Variants in MPP7 observed in about 807,000 individuals in gnomAD.
The protein encoded by MPP7 is MAGUK p55 subfamily member 7.
Under a neutral mutation model 76.5 loss-of-function variants are expected in MPP7, and 60 were observed. The ratio of observed to expected loss-of-function variants is 0.78; its 90% CI spans 0.64 to 0.97. The LOEUF is 0.97. Ranked by LOEUF, MPP7 falls within the 50% of genes least tolerant of loss-of-function variation. The pLI is 0.00. For synonymous variants in MPP7, 237 were observed against 244.5 expected, an observed-to-expected ratio of 0.97 and a Z score of 0.29; for missense variants, 641 against 694.0, an observed-to-expected ratio of 0.92 and a Z score of 0.86.
chr10:28,068,976 G>A (rs1852100792), intron 13 of MPP7, among the ~76,000 whole-genome samples: 1 of 152,088 alleles, frequency 6.6e-6, no homozygotes, highest in Admixed American at 6.5e-5. Flanking sequence ...TTTTGCCTTG[G>A]TTTCCTCCTC....
rs115638337 is a variant in MPP7 at position 28,065,615 on chromosome 10, G to T, written c.1204+4157C>A. On this transcript the variant is annotated intron_variant, in intron 13 of 16. Transcript: ENST00000683449. ...TATGTATACCAGTTAAGGCAAAATAGAAAACAAAATAGGAGCCCTCTTCCC... is the reference window on the plus strand; with the variant it reads ...TATGTATACCAGTTAAGGCAAAATATAAAACAAAATAGGAGCCCTCTTCCC... Among the ~76,000 whole-genome samples the T allele has an allele frequency of 4.3e-3, 652 of 152,222 alleles. 5 individuals carry two copies. Among genetic ancestry groups the T allele is most frequent in the African/African-American group, 0.015 (603 of 41,538 alleles).
At chr10:28,260,866 T>C (rs1258549480) in intron 1 of MPP7, among the ~76,000 whole-genome samples, 4 of 152,088 alleles carry the variant, frequency 2.6e-5, no homozygotes, top group Admixed American at 2.0e-4. Flanking sequence ...TTCTACATGA[T>C]GCATTTCAAC....
chr10:28,209,109 C>T (rs1223184083), intron 2 of MPP7, among the ~76,000 whole-genome samples: 1 of 152,138 alleles, frequency 6.6e-6, no homozygotes, highest in Non-Finnish European at 1.5e-5. Flanking sequence ...GAAGCAGATG[C>T]CAGCTCCATG....
chr10:28,275,222 GA>G (rs1450110279), intron 1 of MPP7, among the ~76,000 whole-genome samples: 1 of 152,026 alleles, frequency 6.6e-6, no homozygotes, highest in African/African-American at 2.4e-5. Context: ...CAACATGTTT[GA>G]AAATGAACAT....
rs1564648519 is a variant in MPP7, at chr10:28,131,680, A to G, written c.327T>C (p.Ser109=). 1.3e-6 allele frequency: 2 copies of G among 1,585,398 alleles called. No individual in the cohort carries two copies. The highest frequency in any genetic ancestry group is 1.8e-4 in the Middle Eastern group (1 of 5,472). ...LSKPNVKALL[S]VHDTVAQKNY... is the part of the protein sequence containing the mutation. ...TCTTCTGAGCCACAGTATCATGTAC[A>G]GAGAGCAAAGCCTGTAATATTCAAA... is the stretch of plus-strand genomic sequence containing the variant. Residue 109 remains serine, a synonymous_variant, in exon 6 of 17, where the codon TCT becomes TCC. Transcript: ENST00000683449.
intron 2 of MPP7, among the ~76,000 whole-genome samples, chr10:28,233,959 G>A (rs892458184): frequency 2.6e-5 from 4 of 151,568 alleles, no homozygotes; most frequent in Non-Finnish European, 1.5e-5. Flanking sequence ...AGAGAGAAGA[G>A]AGAGGAAGGA....
At chr10:28,318,707 G>A (rs1035517461) in intron 2 of MPP7, among the ~76,000 whole-genome samples, 3 of 151,954 alleles carry the variant, frequency 2.0e-5, no homozygotes, top group Non-Finnish European at 4.4e-5. Context: ...GAAAAGAAAA[G>A]CAATAGGATT....
chr10:28,169,578 T>C (rs999915998), intron 3 of MPP7, among the ~76,000 whole-genome samples: 1 of 152,204 alleles, frequency 6.6e-6, no homozygotes, highest in African/African-American at 2.4e-5. Flanking sequence ...AGTCTCCCTA[T>C]TTGTGAACAA....
intron 2 of MPP7, among the ~76,000 whole-genome samples, chr10:28,211,022 T>A (rs1034799314): frequency 3.9e-5 from 6 of 152,222 alleles, no homozygotes; most frequent in Non-Finnish European, 8.8e-5. Context: ...GTTATTTAAT[T>A]GGACTTAAAT....
chr10:28,304,079 A>G (rs1054742764), upstream of MPP7, among the ~76,000 whole-genome samples: 1 of 152,222 alleles, frequency 6.6e-6, no homozygotes, highest in African/African-American at 2.4e-5. Flanking sequence ...ATCAGAAAAA[A>G]AATAATGTGA....
chr10:28,151,507 C>G (rs185693671), intron 3 of MPP7, among the ~76,000 whole-genome samples: 2 of 152,330 alleles, frequency 1.3e-5, no homozygotes, highest in East Asian at 3.9e-4. Flanking sequence ...CAAAACTCAT[C>G]TAACCTGACT....
upstream of MPP7, chr10:28,307,479 T>G (rs1333055246): frequency 6.6e-6 from 1 of 152,266 alleles, no homozygotes; most frequent in African/African-American, 2.4e-5. Context: ...TGAGACCAGC[T>G]TGCAGAACAA....
intron 1 of MPP7, among the ~76,000 whole-genome samples, chr10:28,258,371 C>A: frequency 7.1e-6 from 1 of 141,230 alleles, no homozygotes; most frequent in Middle Eastern, 3.7e-3. Context: ...ATATAAATAA[C>A]ATATTAAATA....
At chr10:28,113,627 A>G (rs1291268323) in intron 11 of MPP7, among the ~76,000 whole-genome samples, 1 of 152,120 alleles carries the variant, frequency 6.6e-6, no homozygotes, top group African/African-American at 2.4e-5. Flanking sequence ...ATCCCAAGAA[A>G]GGCACACTGC....
chr10:28,238,472 T>G, intron 2 of MPP7, 96 bp downstream of exon 2: 1 of 1,313,630 alleles, frequency 7.6e-7, no homozygotes, highest in African/African-American at 1.5e-5. Context: ...AAAACAAGCA[T>G]GATCTGCCTG....
intron 1 of MPP7, among the ~76,000 whole-genome samples, chr10:28,284,599 G>A (rs777584822): frequency 3.3e-5 from 5 of 152,032 alleles, no homozygotes; most frequent in South Asian, 2.1e-4. Flanking sequence ...CATTTTTTCC[G>A]AAGAAAACTT....
intron 1 of MPP7, among the ~76,000 whole-genome samples, chr10:28,240,487 T>C (rs559559466): frequency 6.6e-5 from 10 of 152,300 alleles, no homozygotes; most frequent in African/African-American, 2.4e-4. Flanking sequence ...TTTTCCTTTA[T>C]GTTATTGCAA....
In MPP7 at chr10:28,057,602, C is replaced by CTT. The variant is rs1564608908; in HGVS notation, c.1407+892_1407+893insAA. The stretch of plus-strand genomic sequence containing the variant: ...TCTGCAGAGCAGTGAGCCAATTAAA[C>CTT]CTCTTTTTTTTTTTTTTTTTTTTTT... On this transcript the variant is annotated intron_variant, in intron 15 of 16. Transcript: ENST00000683449. 7 of 311,472 alleles carry CTT rather than the reference C, an allele frequency of 2.2e-5. No homozygotes were observed. The African/African-American group carries it at 2.6e-4, about 11-fold the overall frequency. The allele number at this position is 311,472 out of a possible 1,614,324, so 19.3% of individuals were successfully genotyped here. A position where few individuals can be genotyped will look rare whatever the true frequency, so the allele number is the denominator to read the frequency against.
chr10:28,323,142 C>A (rs924639967), intron 2 of MPP7, among the ~76,000 whole-genome samples: 16 of 151,948 alleles, frequency 1.1e-4, no homozygotes. Flanking sequence ...AACAATTAGC[C>A]GGGCGTGGTG....
Sources: gnomAD v4.1 joint callset for allele counts (sites outside exome capture counted in the v4.1 genomes callset) on GRCh38, gnomAD v4.1.1 for gene constraint, MANE v1.5 for transcripts, NCBI Gene and HGNC (gene_info 2026-07-23, HGNC 2026-07-21) for gene names.